TRUB2: variants seen among roughly 807,000 people sequenced by gnomAD.
The protein encoded by TRUB2 is pseudouridylate synthase TRUB2, mitochondrial.
Under a neutral mutation model 31.9 loss-of-function variants are expected in TRUB2, and 31 were observed. That is an observed-to-expected ratio of 0.97 (90% CI 0.73 to 1.31). The LOEUF is 1.31. TRUB2 is among the 50% of genes most tolerant of loss of function. TRUB2 has a pLI of 0.00. For synonymous variants in TRUB2, 201 were observed against 182.6 expected (o/e 1.10, Z -0.81); for missense variants, 451 against 439.6 (o/e 1.03, Z -0.23).
Position 128,311,035 on chromosome 9 carries a change from G to A in TRUB2, c.534-12C>T, listed in dbSNP as rs2131443430. 6.2e-7 allele frequency: 1 copy of A among 1,607,942 alleles called. No individual in the cohort carries two copies. On this transcript the variant is annotated splice_polypyrimidine_tract_variant and intron_variant, in intron 6 of 7. Coordinates refer to ENST00000372890, the MANE Select transcript of TRUB2 (RefSeq NM_015679.3). ...CGAGGTTGGAGTACCTGCAGATCAG[G>A]AAGGGGGCTGCAGCTGGGTGGCCCA...
intron 5 of TRUB2, among the ~76,000 whole-genome samples, chr9:128,312,134 CTTTTT>C (rs61513949): frequency 9.1e-6 from 1 of 109,374 alleles, no homozygotes; most frequent in Non-Finnish European, 1.9e-5. Flanking sequence ...TGCACCCAGA[CTTTTT>C]TTTTTTTTTT....
intron 2 of TRUB2, among the ~76,000 whole-genome samples, chr9:128,318,404 G>A (rs1161834781): frequency 6.6e-6 from 1 of 152,002 alleles, no homozygotes; most frequent in Non-Finnish European, 1.5e-5. Context: ...CCCTACCTTA[G>A]GACTTCTACC....
chr9:128,310,775 G>T, intron 7 of TRUB2, 112 bp downstream of exon 7: 2 of 1,441,562 alleles, frequency 1.4e-6, no homozygotes, highest in Non-Finnish European at 1.9e-6. Context: ...CAGGGCCGGC[G>T]TGTGCTGGCC....
intron 2 of TRUB2, among the ~76,000 whole-genome samples, chr9:128,318,055 C>T (rs1272977780): frequency 6.6e-6 from 1 of 152,046 alleles, no homozygotes; most frequent in Admixed American, 6.6e-5. Context: ...AAAAAAATCA[C>T]TCTTTCGGCT....
chr9:128,309,506 T>A lies in TRUB2; in HGVS notation c.*44A>T. 6.4e-7 allele frequency: 1 copy of A among 1,569,600 alleles called. No homozygotes were observed. Among genetic ancestry groups the A allele is most frequent in the Admixed American group, 1.8e-5 (1 of 56,858 alleles). On this transcript the variant is annotated 3_prime_UTR_variant, in exon 8 of 8. Coordinates refer to ENST00000372890, the MANE Select transcript of TRUB2 (RefSeq NM_015679.3). Reference sequence around the variant, plus strand: ...AGCTATCAGGTCCAGCTCATAGCAGTTCTTCTATTTATCCATCCACTGCCC... The same window carrying A: ...AGCTATCAGGTCCAGCTCATAGCAGATCTTCTATTTATCCATCCACTGCCC...
rs370202132 is a variant in TRUB2, at chr9:128,305,889, G to C, written c.*3661C>G. 1 of 152,120 alleles carries C rather than the reference G, an allele frequency of 6.6e-6. No individual in the cohort carries two copies. The highest frequency in any genetic ancestry group is 1.5e-5 in the Non-Finnish European group (1 of 68,130). The allele number at this position is 152,120 out of a possible 1,614,324, so 9.4% of individuals were successfully genotyped here. A position where few individuals can be genotyped will look rare whatever the true frequency, so the allele number is the denominator to read the frequency against. ...GTTTGTTTGTTTTTTGTAGAGACAGGGTCTCCTTGTGTTGCCCAGGCTGGT... is the reference window on the plus strand; with the variant it reads ...GTTTGTTTGTTTTTTGTAGAGACAGCGTCTCCTTGTGTTGCCCAGGCTGGT... On this transcript the variant is annotated 3_prime_UTR_variant, in exon 8 of 8. Transcript: ENST00000372890.
rs1832177944 is a variant in TRUB2 at position 128,321,620 on chromosome 9, A to C, written c.220T>G (p.Ser74Ala). The C allele has an allele frequency of 6.2e-7, 1 of 1,613,906 alleles. No individual in the cohort carries two copies. Among genetic ancestry groups the C allele is most frequent in the African/African-American group, 1.3e-5 (1 of 74,900 alleles). ...TTACCCAGTGGATGGTTGATGAAAGAGGGTACGCTGGTGGCTGTGAGGGTC... is the reference window on the plus strand; with the variant it reads ...TTACCCAGTGGATGGTTGATGAAAGCGGGTACGCTGGTGGCTGTGAGGGTC... ...ELTLTATSVP[S>A]FINHPLVCGP... The change falls in exon 2 of 8, where the codon TCT becomes GCT. Residue 74 changes from serine to alanine, a missense_variant. Ser to Ala is a moderately conservative substitution (Grantham distance 99, BLOSUM62 1). Transcript: ENST00000372890.
At chr9:128,313,761 G>A (rs1466626790) in intron 5 of TRUB2, 47 bp downstream of exon 5, 2 of 1,576,386 alleles carry the variant, frequency 1.3e-6, no homozygotes, top group East Asian at 4.5e-5. Flanking sequence ...AGGACTCAGG[G>A]AAAGCAAATG....
At position 128,308,911 on chromosome 9, in the gene TRUB2, ATCATC is replaced by A. The variant is rs1328296320; in HGVS notation, c.*634_*638del. 2.0e-5 allele frequency: 3 copies of A among 152,270 alleles called. No homozygotes were observed. The highest frequency in any genetic ancestry group is 1.3e-4 in the Admixed American group (2 of 15,276). 9.4% of individuals were successfully genotyped at this position (152,270 alleles called of 1,614,324 possible). ...GGGCAACAACAGAAAAACAACAAAA[ATCATC>A]TCATTTTCATCTGTGTCTTCCAGTA... On this transcript the variant is annotated 3_prime_UTR_variant, in exon 8 of 8. Coordinates refer to ENST00000372890, the MANE Select transcript of TRUB2 (RefSeq NM_015679.3).
intron 1 of TRUB2, 106 bp from the exon 2 acceptor site, chr9:128,321,836 A>AT: frequency 1.6e-6 from 2 of 1,246,428 alleles, no homozygotes; most frequent in Non-Finnish European, 2.2e-6. Context: ...CTGAAGTGCA[A>AT]TGGCGCCATC....
At chr9:128,317,496 G>C (rs542572160) in intron 2 of TRUB2, among the ~76,000 whole-genome samples, 156 of 152,308 alleles carry the variant, frequency 1.0e-3, no homozygotes, top group Non-Finnish European at 1.9e-3. Context: ...AACACTGAAG[G>C]TCAAGAGTGC....
At chr9:128,311,430 A>G (rs1208723774) in intron 6 of TRUB2, 99 bp downstream of exon 6, 11 of 1,249,154 alleles carry the variant, frequency 8.8e-6, no homozygotes, top group East Asian at 2.3e-5. Flanking sequence ...TCTGGGCTCT[A>G]AAAACAAGAT....
chr9:128,320,327 A>G (rs886599290), intron 2 of TRUB2, among the ~76,000 whole-genome samples: 1 of 136,216 alleles, frequency 7.3e-6, no homozygotes, highest in African/African-American at 3.1e-5. Flanking sequence ...ATGCCACCCC[A>G]CCTGGCTAAT....
rs1407855527 is a variant in TRUB2, at chr9:128,313,879, A to G, written c.389T>C (p.Val130Ala). ...YNAHLTKDYT[V>A]RGLLGKATDD... ...TGTAGCTTTGCCCAGGAGGCCACGCACTGTGTAATCCTTCAAGGACAGGGA... is the reference window on the plus strand; with the variant it reads ...TGTAGCTTTGCCCAGGAGGCCACGCGCTGTGTAATCCTTCAAGGACAGGGA... Residue 130 changes from valine (V) to alanine (A), a missense_variant, in exon 5 of 8, where the codon GTG (valine) becomes GCG (alanine). Coordinates refer to ENST00000372890, the MANE Select transcript of TRUB2 (RefSeq NM_015679.3). The G allele has an allele frequency of 3.1e-6, 5 of 1,614,152 alleles. No individual in the cohort carries two copies. The highest frequency in any genetic ancestry group is 8.5e-7 in the Non-Finnish European group (1 of 1,179,992).
chr9:128,317,890 G>A (rs1186971876), intron 2 of TRUB2, among the ~76,000 whole-genome samples: 3 of 152,170 alleles, frequency 2.0e-5, no homozygotes, highest in Non-Finnish European at 2.9e-5. Context: ...ACTTCTTATT[G>A]TTACCATATA....
Position 128,311,605 on chromosome 9 carries a change from GA to G in TRUB2, c.461-5del. ...AGCTTCTCTCTGGTCACGTGGTCTGGAAAAGGCAGGGGGTTGTCAATGTACA... is the reference window on the plus strand; with the variant it reads ...AGCTTCTCTCTGGTCACGTGGTCTGGAAAGGCAGGGGGTTGTCAATGTACA... On this transcript the variant is annotated splice_polypyrimidine_tract_variant and splice_region_variant and intron_variant, in intron 5 of 7. Transcript: ENST00000372890. 6.2e-7 allele frequency: 1 copy of G among 1,614,022 alleles called. No individual in the cohort carries two copies. The highest frequency in any genetic ancestry group is 8.5e-7 in the Non-Finnish European group (1 of 1,179,964).
At chr9:128,313,982 T>C (rs150239597) in intron 4 of TRUB2, 93 bp from the exon 5 acceptor site, 15,238 of 1,169,160 alleles carry the variant, frequency 0.013, 132 homozygotes, top group Non-Finnish European at 0.016. Context: ...GGTCCTCAGG[T>C]CTCCCTCAGG....
At chr9:128,310,597 A>C (rs1183701323) in intron 7 of TRUB2, among the ~76,000 whole-genome samples, 2 of 151,996 alleles carry the variant, frequency 1.3e-5, no homozygotes, top group Admixed American at 6.6e-5. Context: ...AAACATGGGC[A>C]GCTCTGGAAA....
At chr9:128,321,924 C>T (rs770005729) in intron 1 of TRUB2, among the ~76,000 whole-genome samples, 194 bp from the exon 2 acceptor site, 1 of 152,176 alleles carries the variant, frequency 6.6e-6, no homozygotes, top group Non-Finnish European at 1.5e-5. Context: ...GGATTACAGG[C>T]GTGCACCACG....
Sources: gnomAD v4.1 joint callset for allele counts (sites outside exome capture counted in the v4.1 genomes callset) on GRCh38, gnomAD v4.1.1 for gene constraint, MANE v1.5 for transcripts, NCBI Gene and HGNC (gene_info 2026-07-23, HGNC 2026-07-21) for gene names.